The following DNAH17 variants were observed in gnomAD, a reference collection of about 807,000 sequenced individuals.
DNAH17 encodes axonemal beta dynein heavy chain 17.
Under a neutral mutation model 485.6 loss-of-function variants are expected in DNAH17, and 376 were observed. The ratio of observed to expected loss-of-function variants is 0.77; its 90% CI spans 0.71 to 0.84. The LOEUF (loss-of-function observed/expected upper bound fraction) is 0.84, where lower values mean the gene tolerates loss of function less well. DNAH17 is among the 40% of genes least tolerant of loss of function. The pLI is 0.00. For synonymous variants in DNAH17, 3,031 were observed against 2,405.9 expected (o/e 1.26, Z -7.60); for missense variants, 6,370 against 5,839.3 (o/e 1.09, Z -2.96).
At chr17:78,559,977 C>T (rs1360062570) in intron 13 of DNAH17, among the ~76,000 whole-genome samples, 1 of 152,178 alleles carries the variant, frequency 6.6e-6, no homozygotes, top group African/African-American at 2.4e-5. Context: ...TCTAAAATTG[C>T]ACCTGCCCCT....
intron 40 of DNAH17, 38 bp from the exon 41 acceptor site, chr17:78,494,211 G>A: frequency 1.3e-6 from 2 of 1,586,694 alleles, no homozygotes; most frequent in African/African-American, 1.3e-5. Context: ...AGGAACTGAA[G>A]CAGCTTTTCT....
rs1374688060 is a variant in DNAH17 at position 78,485,573 on chromosome 17, T to C, written c.7460A>G (p.Tyr2487Cys). 1 of 1,612,708 alleles carries C rather than the reference T, an allele frequency of 6.2e-7. No individual in the cohort carries two copies. Among genetic ancestry groups the C allele is most frequent in the African/African-American group, 1.3e-5 (1 of 74,872 alleles). The change falls in exon 47 of 81, where the codon TAC becomes TGC. Residue 2487 changes from tyrosine (Y) to cysteine (C), a missense_variant. Coordinates refer to ENST00000389840, the MANE Select transcript of DNAH17 (RefSeq NM_173628.4). ...YLVQAVPFNF[Y>C]TTSAMLQGVL... ...ACCCTGCAGCATGGCTGAGGTCGTG[T>C]AGAAGTTGAAGGGCACAGCCTGCAC...
At chr17:78,458,511 G>A (rs2087918942) in intron 62 of DNAH17, 54 bp downstream of exon 62, 2 of 1,482,984 alleles carry the variant, frequency 1.3e-6, no homozygotes, top group South Asian at 2.3e-5. Flanking sequence ...GTGTGGGCTT[G>A]TCCCTTTCAG....
chr17:78,509,837 G>T (rs151180727), intron 27 of DNAH17, among the ~76,000 whole-genome samples: 1 of 152,208 alleles, frequency 6.6e-6, no homozygotes, highest in African/African-American at 2.4e-5. Context: ...CCAAACTATT[G>T]CATGTACGGG....
chr17:78,554,175 A>T (rs902071316), intron 14 of DNAH17, among the ~76,000 whole-genome samples: 1 of 152,188 alleles, frequency 6.6e-6, no homozygotes, highest in Admixed American at 6.5e-5. Context: ...ATCAGTGTTA[A>T]CAATAGTATA....
intron 70 of DNAH17, among the ~76,000 whole-genome samples, chr17:78,445,265 T>C (rs1456196461): frequency 1.4e-5 from 2 of 148,044 alleles, no homozygotes; most frequent in Non-Finnish European, 3.0e-5. Context: ...GAGGGAGGGA[T>C]GGTAAGAGGC....
intron 77 of DNAH17, among the ~76,000 whole-genome samples, chr17:78,427,850 T>C (rs565044258): frequency 2.3e-4 from 34 of 151,098 alleles, no homozygotes; most frequent in African/African-American, 7.3e-4. Context: ...GCGCCTGTAA[T>C]CCCAGCCTGG....
At chr17:78,508,006 T>G (rs1000107046) in intron 27 of DNAH17, among the ~76,000 whole-genome samples, 1 of 152,080 alleles carries the variant, frequency 6.6e-6, no homozygotes, top group East Asian at 1.9e-4. Flanking sequence ...TCTGTCCATA[T>G]AATGGAACAT....
chr17:78,552,945 T>TC (rs2143575399), intron 14 of DNAH17, 140 bp from the exon 15 acceptor site: 1 of 656,290 alleles, frequency 1.5e-6, no homozygotes, highest in Admixed American at 2.3e-5. Context: ...TGAATTGTAA[T>TC]CCCCAGTGTT....
intron 60 of DNAH17, 44 bp downstream of exon 60, chr17:78,459,740 G>C (rs1568082951): frequency 6.2e-7 from 1 of 1,607,404 alleles, no homozygotes; most frequent in East Asian, 2.2e-5. Flanking sequence ...GCCTGATGGA[G>C]AATCGGAGGG....
At chr17:78,508,626 T>C (rs1033073855) in intron 27 of DNAH17, among the ~76,000 whole-genome samples, 2 of 151,990 alleles carry the variant, frequency 1.3e-5, no homozygotes, top group African/African-American at 4.8e-5. Flanking sequence ...GCCATTCCTA[T>C]GAAAGTGTGG....
At chr17:78,489,854 G>A (rs2089773474) in intron 44 of DNAH17, 1 of 151,302 alleles carries the variant, frequency 6.6e-6, no homozygotes, top group Admixed American at 6.6e-5. Flanking sequence ...TGAGTGGGTG[G>A]GTGGGCGGAT....
rs2091930252 is a variant in DNAH17 at position 78,552,692 on chromosome 17, C to CG, written c.2287+4dup. ...TCCAATGTGGGAGGAATGTGGCCTCCGTACCTTCGCCATTCCAGAATAATG... is the reference window on the plus strand; with the variant it reads ...TCCAATGTGGGAGGAATGTGGCCTCCGGTACCTTCGCCATTCCAGAATAATG... On this transcript the variant is annotated splice_donor_region_variant and intron_variant, in intron 15 of 80. Transcript: ENST00000389840. 1 of 1,610,612 alleles carries CG rather than the reference C, an allele frequency of 6.2e-7. No homozygotes were observed. Among genetic ancestry groups the CG allele is most frequent in the Non-Finnish European group, 8.5e-7 (1 of 1,176,958 alleles).
intron 65 of DNAH17, among the ~76,000 whole-genome samples, chr17:78,452,007 G>A (rs147737520): frequency 1.7e-4 from 26 of 151,810 alleles, no homozygotes; most frequent in East Asian, 1.9e-4. Flanking sequence ...TACAACATTC[G>A]TCCATTCTGG....
intron 73 of DNAH17, among the ~76,000 whole-genome samples, chr17:78,438,138 G>A (rs1235531050): frequency 6.6e-6 from 1 of 151,872 alleles, no homozygotes; most frequent in Non-Finnish European, 1.5e-5. Flanking sequence ...TGAGTCCTTT[G>A]TGTCCTCCCT....
At chr17:78,493,704 A>G (rs955528505) in intron 41 of DNAH17, among the ~76,000 whole-genome samples, 1 of 152,182 alleles carries the variant, frequency 6.6e-6, no homozygotes, top group African/African-American at 2.4e-5. Context: ...ACCACTCCCT[A>G]GGCCATGGCA....
intron 9 of DNAH17, among the ~76,000 whole-genome samples, chr17:78,568,240 G>A (rs1337308179): frequency 1.3e-5 from 2 of 152,064 alleles, no homozygotes; most frequent in African/African-American, 2.4e-5. Flanking sequence ...AAGTGTGACT[G>A]TGACTCTCCT....
At position 78,479,503 on chromosome 17, in the gene DNAH17, G is replaced by A; in HGVS notation, c.7882C>T (p.Leu2628=). 6.2e-7 allele frequency: 1 copy of A among 1,612,282 alleles called. No homozygotes were observed. The highest frequency in any genetic ancestry group is 8.5e-7 in the Non-Finnish European group (1 of 1,179,474). ...SMAIQRISSQ[L]VAAALALHQK... ...AGCTTACCCAGGGCCGCGGCCACCA[G>A]CTGGCTGCTTATCCTCTGGATAGCC... Residue 2628 remains leucine (L), a synonymous_variant, in exon 50 of 81, where the codon CTG becomes TTG. Coordinates refer to ENST00000389840, the MANE Select transcript of DNAH17 (RefSeq NM_173628.4).
chr17:78,544,455 G>T (rs1406641586), intron 16 of DNAH17, among the ~76,000 whole-genome samples: 1 of 152,200 alleles, frequency 6.6e-6, no homozygotes, highest in African/African-American at 2.4e-5. Flanking sequence ...GGAAAGGGTA[G>T]AGAGTAGGGT....
Sources: gnomAD v4.1 joint callset for allele counts (sites outside exome capture counted in the v4.1 genomes callset) on GRCh38, gnomAD v4.1.1 for gene constraint, MANE v1.5 for transcripts, NCBI Gene and HGNC (gene_info 2026-07-23, HGNC 2026-07-21) for gene names.